Variants in NRK observed in about 807,000 individuals in gnomAD.
NRK encodes the protein Nik related kinase.
A neutral mutation model predicts 125.2 loss-of-function variants in NRK; 67 were observed. That is an observed-to-expected ratio of 0.54 (90% CI 0.44 to 0.66). NRK has a LOEUF of 0.66. Among genes scored for constraint, NRK ranks in the 30% least tolerant of loss-of-function variants. NRK has a pLI of 0.00. For synonymous variants in NRK, 458 were observed against 429.0 expected, an observed-to-expected ratio of 1.07 and a Z score of -0.84; for missense variants, 1,224 against 1,192.9, an observed-to-expected ratio of 1.03 and a Z score of -0.38.
At chrX:105,944,582 C>G (rs887181512) in intron 24 of NRK, among the ~76,000 whole-genome samples, 9 of 111,484 alleles carry the variant, frequency 8.1e-5, no homozygotes, top group Non-Finnish European at 1.3e-4. Context: ...CAAACACAGG[C>G]TTTGGGTGCC....
chrX:105,905,996 G>C (rs190092943), intron 10 of NRK, among the ~76,000 whole-genome samples: 1 of 111,498 alleles, frequency 9.0e-6, no homozygotes, highest in East Asian at 2.8e-4. Context: ...TCCTATTTTT[G>C]GATCATTATA....
chrX:105,944,774 G>T (rs751331901), intron 24 of NRK, among the ~76,000 whole-genome samples: 36 of 111,714 alleles, frequency 3.2e-4, no homozygotes, highest in African/African-American at 1.1e-3. Flanking sequence ...GGAAGGGGTT[G>T]GATGAGTCTA....
chrX:105,886,442 ATAAT>A (rs2039945949), intron 4 of NRK, among the ~76,000 whole-genome samples: 1 of 104,757 alleles, frequency 9.5e-6, no homozygotes, highest in African/African-American at 3.4e-5. Context: ...ATATATACAG[ATAAT>A]TATATATATA....
At chrX:105,902,784 A>G (rs2040175789) in intron 9 of NRK, among the ~76,000 whole-genome samples, 1 of 111,114 alleles carries the variant, frequency 9.0e-6, no homozygotes, top group African/African-American at 3.3e-5. Context: ...TAGGTGGTAT[A>G]TTTCTTATGA....
At position 105,945,921 on chromosome X, in the gene NRK, A is replaced by G; in HGVS notation, c.4109A>G (p.Gln1370Arg). ...TCTGAAGGAGACTACATGTCCTATCAAGCCTATATACGAATACTGGCAAAA... is the reference window on the plus strand; with the variant it reads ...TCTGAAGGAGACTACATGTCCTATCGAGCCTATATACGAATACTGGCAAAA... ...ADSEGDYMSY[Q>R]AYIRILAKIQ... Residue 1370 changes from glutamine to arginine, a missense_variant, in exon 25 of 29, where the codon CAA becomes CGA. Coordinates refer to ENST00000243300, the MANE Select transcript of NRK (RefSeq NM_198465.4). 8.3e-7 allele frequency: 1 copy of G among 1,204,864 alleles called. No individual in the cohort carries two copies. Among genetic ancestry groups the G allele is most frequent in the South Asian group, 1.8e-5 (1 of 56,771 alleles).
chrX:105,902,740 G>A lies in NRK; in HGVS notation c.766+2068G>A, dbSNP rs777423897. On this transcript the variant is annotated intron_variant, in intron 9 of 28. Transcript: ENST00000243300. ...ACGGCATTAGATTCTTCTAGGAGTGGGAACCCTATTGTGAACTAAGCATGC... is the reference window on the plus strand; with the variant it reads ...ACGGCATTAGATTCTTCTAGGAGTGAGAACCCTATTGTGAACTAAGCATGC... Among the ~76,000 whole-genome samples the A allele has an allele frequency of 9.9e-5, 11 of 111,522 alleles. No individual in the cohort carries two copies. In the South Asian group the frequency reaches 4.3e-3, roughly 43 times the overall value.
At chrX:105,846,390 C>T (rs1338088622) in intron 2 of NRK, among the ~76,000 whole-genome samples, 2 of 111,794 alleles carry the variant, frequency 1.8e-5, no homozygotes, top group East Asian at 5.6e-4. Context: ...TTGAGGCAGA[C>T]TGCCGGCAGA....
Position 105,908,295 on chromosome X carries a change from A to G in NRK, c.1077A>G (p.Arg359=), listed in dbSNP as rs1268189773. 5 of 1,041,013 alleles carry G rather than the reference A, an allele frequency of 4.8e-6. No individual in the cohort carries two copies. The African/African-American group carries it at 9.8e-5, about 20-fold the overall frequency. 85.8% of individuals were successfully genotyped at this position (1,041,013 alleles called of 1,213,427 possible). A position where few individuals can be genotyped will look rare whatever the true frequency, so the allele number is the denominator to read the frequency against. Residue 359 remains arginine, a synonymous_variant, in exon 12 of 29, where the codon AGA becomes AGG. Coordinates refer to ENST00000243300, the MANE Select transcript of NRK (RefSeq NM_198465.4). ...CTATTAAGGAACAGTACACCGTGAG[A>G]AGATTCAGGTGCGTTCCACAAATTG... The part of the protein sequence containing the change: ...EEAIKEQYTV[R]RFRGPSCTHE...
intron 27 of NRK, among the ~76,000 whole-genome samples, chrX:105,951,470 T>C (rs1217318780): frequency 8.9e-6 from 1 of 111,846 alleles, no homozygotes; most frequent in Non-Finnish European, 1.9e-5. Context: ...TTAGTTTGTA[T>C]ATTAAGGATA....
At chrX:105,910,848 CA>C (rs1251174386) in intron 13 of NRK, among the ~76,000 whole-genome samples, 1 of 111,387 alleles carries the variant, frequency 9.0e-6, no homozygotes, top group African/African-American at 3.3e-5. Context: ...TCCTTCAGAC[CA>C]GTTGATTGAC....
intron 2 of NRK, among the ~76,000 whole-genome samples, chrX:105,834,839 T>C (rs1258421576): frequency 9.0e-6 from 1 of 111,304 alleles, no homozygotes; most frequent in Non-Finnish European, 1.9e-5. Context: ...TTCAACTATA[T>C]TACTGTTTTT....
In NRK at chrX:105,898,728, T is replaced by C. The variant is rs1261120338; in HGVS notation, c.711+14T>C. The stretch of plus-strand genomic sequence containing the variant: ...TATGATTACAGAGTGAGTGTGAGAA[T>C]TCAGCCAGTGGAAATTACAATTTGG... On this transcript the variant is annotated intron_variant, in intron 8 of 28. Transcript: ENST00000243300. 8.9e-7 allele frequency: 1 copy of C among 1,120,474 alleles called. No homozygotes were observed. The highest frequency in any genetic ancestry group is 1.2e-6 in the Non-Finnish European group (1 of 848,157). The allele number at this position is 1,120,474 out of a possible 1,213,427, so 92.3% of individuals were successfully genotyped here.
At chrX:105,833,510 G>C (rs771103386) in intron 2 of NRK, among the ~76,000 whole-genome samples, 1 of 110,984 alleles carries the variant, frequency 9.0e-6, no homozygotes, top group South Asian at 3.8e-4. Flanking sequence ...CACCAGATGT[G>C]AGAAATAAAA....
At chrX:105,895,797 C>T (rs2040074912) in intron 7 of NRK, among the ~76,000 whole-genome samples, 1 of 111,264 alleles carries the variant, frequency 9.0e-6, no homozygotes, top group Non-Finnish European at 1.9e-5. Context: ...ATCGCTTTAC[C>T]CTCTATTAGA....
At chrX:105,921,448 A>T (rs1399568232) in intron 16 of NRK, among the ~76,000 whole-genome samples, 13 of 107,179 alleles carry the variant, frequency 1.2e-4, no homozygotes, top group Non-Finnish European at 2.3e-4. Context: ...AACCTGCACA[A>T]TGTGCACATG....
chrX:105,950,735 T>C (rs892899370), intron 27 of NRK, among the ~76,000 whole-genome samples: 11 of 110,075 alleles, frequency 1.0e-4, no homozygotes, highest in Non-Finnish European at 2.1e-4. Context: ...TTATGCGATG[T>C]CATATGAACT....
chrX:105,888,781 A>G (rs191411485), intron 5 of NRK, among the ~76,000 whole-genome samples: 145 of 111,129 alleles, frequency 1.3e-3, no homozygotes, highest in African/African-American at 4.5e-3. Context: ...TTATAAAACC[A>G]TCAGATCTCG....
At position 105,822,732 on chromosome X, in the gene NRK, C is replaced by T; in HGVS notation, c.-114C>T. On this transcript the variant is annotated 5_prime_UTR_variant, in exon 1 of 29. Coordinates refer to ENST00000243300, the MANE Select transcript of NRK (RefSeq NM_198465.4). Reference sequence around the variant, plus strand: ...GCCACGAACCCCGATCCCCAGACTCCTCTCTCCCGCCCTCCTCCTTCCTCT... The same window carrying T: ...GCCACGAACCCCGATCCCCAGACTCTTCTCTCCCGCCCTCCTCCTTCCTCT... 1 of 723,670 alleles carries T rather than the reference C, an allele frequency of 1.4e-6. No homozygotes were observed. 59.6% of individuals were successfully genotyped at this position (723,670 alleles called of 1,213,427 possible). A position where few individuals can be genotyped will look rare whatever the true frequency, so the allele number is the denominator to read the frequency against.
At chrX:105,830,312 C>T (rs1385261904) in intron 1 of NRK, among the ~76,000 whole-genome samples, 3 of 26,540 alleles carry the variant, frequency 1.1e-4, no homozygotes, top group Non-Finnish European at 1.9e-4. Context: ...GAAACTCCGT[C>T]GCAAAAAAAA....
Sources: allele counts gnomAD v4.1 joint callset (sites outside exome capture counted in the v4.1 genomes callset), GRCh38; gene constraint gnomAD v4.1.1; transcripts MANE v1.5; gene names NCBI Gene and HGNC (gene_info 2026-07-23, HGNC 2026-07-21).